The following TRHDE variants were observed in gnomAD, a reference collection of about 807,000 sequenced individuals.
The protein encoded by TRHDE is thyrotropin releasing hormone degrading enzyme.
Under a neutral mutation model 125.7 loss-of-function variants are expected in TRHDE, and 72 were observed. That is an observed-to-expected ratio of 0.57 (90% CI 0.47 to 0.70). The LOEUF (loss-of-function observed/expected upper bound fraction) is 0.70, where lower values mean the gene tolerates loss of function less well. Ranked by LOEUF, TRHDE falls within the 30% of genes least tolerant of loss-of-function variation. TRHDE has a pLI of 0.00. For synonymous variants in TRHDE, 509 were observed against 509.1 expected (o/e 1.00, Z 0.00); for missense variants, 1,110 against 1,327.1 (o/e 0.84, Z 2.54).
intron 2 of TRHDE, among the ~76,000 whole-genome samples, chr12:72,215,965 A>C (rs1168916917): frequency 6.6e-6 from 1 of 152,214 alleles, no homozygotes; most frequent in African/African-American, 2.4e-5. Context: ...AAGTTGGGGT[A>C]TTGTAACAAG....
At position 72,136,299 on chromosome 12, in the gene TRHDE, A is replaced by T. The variant is rs564820835; in HGVS notation, n.279+30547A>T. Among the ~76,000 whole-genome samples, 10 of 152,318 alleles carry T rather than the reference A, an allele frequency of 6.6e-5. No homozygotes were observed. The South Asian group carries it at 1.2e-3, about 19-fold the overall frequency. ...CAGCATAACAGCCTCTGAATTGCAT[A>T]TTGGTGAGAAAATATTGATAGCAAA... On this transcript the variant is annotated intron_variant and non_coding_transcript_variant, in intron 2 of 4. Coordinates refer to the TRHDE transcript ENST00000548156.
At position 72,378,059 on chromosome 12, in the gene TRHDE, CAAAG is replaced by C; in HGVS notation, c.1255_1258del (p.Lys419AspfsTer2). 6.2e-7 allele frequency: 1 copy of C among 1,606,874 alleles called. No individual in the cohort carries two copies. Among genetic ancestry groups the C allele is most frequent in the South Asian group, 1.1e-5 (1 of 89,844 alleles). ...TCCGGGGACTATGCTCTCCATATAACAAAGAGATTAATAGAATTTTATGAAGACT... is the reference window on the plus strand; with the variant it reads ...TCCGGGGACTATGCTCTCCATATAACAGATTAATAGAATTTTATGAAGACT... On this transcript the variant is annotated frameshift_variant, in exon 3 of 19. Coordinates refer to ENST00000261180, the MANE Select transcript of TRHDE (RefSeq NM_013381.3). LOFTEE classifies it high-confidence loss of function.
intron 2 of TRHDE, among the ~76,000 whole-genome samples, chr12:72,132,170 C>G (rs1483405374): frequency 6.6e-6 from 1 of 152,036 alleles, no homozygotes; most frequent in Non-Finnish European, 1.5e-5. Flanking sequence ...CCTGCGCTAC[C>G]TTAAGTTGTT....
At chr12:72,660,683 A>G (rs1874882968) in intron 18 of TRHDE, among the ~76,000 whole-genome samples, 1 of 152,186 alleles carries the variant, frequency 6.6e-6, no homozygotes, top group African/African-American at 2.4e-5. Context: ...ATAATTGTCC[A>G]TGATCATCTC....
chr12:72,275,809 T>C (rs1592513294), intron 1 of TRHDE, among the ~76,000 whole-genome samples: 1 of 152,172 alleles, frequency 6.6e-6, no homozygotes, highest in African/African-American at 2.4e-5. Flanking sequence ...TCTCTTGCAG[T>C]TTTCCCCAAA....
intron 10 of TRHDE, among the ~76,000 whole-genome samples, chr12:72,572,333 G>A (rs960899475): frequency 5.9e-5 from 9 of 151,902 alleles, no homozygotes; most frequent in South Asian, 2.1e-4. Context: ...CAACTACTCC[G>A]TACCTCAATA....
intron 1 of TRHDE, among the ~76,000 whole-genome samples, chr12:72,098,584 G>C (rs1874992140): frequency 6.6e-6 from 1 of 152,068 alleles, no homozygotes; most frequent in African/African-American, 2.4e-5. Context: ...AGTAGAATTT[G>C]GTAAAAGTTA....
intron 2 of TRHDE, among the ~76,000 whole-genome samples, chr12:72,131,445 C>T (rs1046239305): frequency 4.6e-5 from 7 of 152,016 alleles, no homozygotes; most frequent in African/African-American, 1.5e-4. Flanking sequence ...TATAGCAGTG[C>T]TATATATTTT....
chr12:72,597,193 G>A lies in TRHDE; in HGVS notation c.2321+21651G>A, dbSNP rs557185758. ...GTCTCTAGTTATACACTGCTATGCC[G>A]GAACTCACTGATGTGAAAATACGAA... On this transcript the variant is annotated intron_variant, in intron 12 of 18. Coordinates refer to ENST00000261180, the MANE Select transcript of TRHDE (RefSeq NM_013381.3). Among the ~76,000 whole-genome samples the A allele has an allele frequency of 5.3e-5, 8 of 152,264 alleles. No homozygotes were observed. The South Asian group carries it at 1.4e-3, about 28-fold the overall frequency.
intron 2 of TRHDE, among the ~76,000 whole-genome samples, chr12:72,125,600 A>C (rs1375213072): frequency 1.3e-5 from 2 of 152,168 alleles, no homozygotes; most frequent in Non-Finnish European, 2.9e-5. Context: ...ACACTTACAT[A>C]TTTTTGTTCT....
intron 5 of TRHDE, among the ~76,000 whole-genome samples, chr12:72,473,398 G>A (rs976372248): frequency 1.3e-5 from 2 of 152,010 alleles, no homozygotes; most frequent in Non-Finnish European, 2.9e-5. Flanking sequence ...GCTTCAAAAT[G>A]CCACAATTTA....
At chr12:72,592,809 C>G (rs1034912078) in intron 12 of TRHDE, among the ~76,000 whole-genome samples, 6 of 151,772 alleles carry the variant, frequency 4.0e-5, no homozygotes, top group African/African-American at 1.5e-4. Context: ...CTCCCGGGTT[C>G]AAGTGATTCT....
chr12:72,098,163 G>A (rs947723959), intron 1 of TRHDE, among the ~76,000 whole-genome samples: 8 of 152,012 alleles, frequency 5.3e-5, no homozygotes, highest in Non-Finnish European at 7.4e-5. Flanking sequence ...AATTATAGAC[G>A]TGAGCCACTG....
At chr12:72,357,212 G>A (rs1870863737) in intron 2 of TRHDE, among the ~76,000 whole-genome samples, 2 of 151,458 alleles carry the variant, frequency 1.3e-5, no homozygotes, top group South Asian at 4.1e-4. Context: ...ACCAAAGAAA[G>A]ACACTGAATA....
chr12:72,392,843 G>C (rs1244950444), intron 3 of TRHDE, among the ~76,000 whole-genome samples: 1 of 151,980 alleles, frequency 6.6e-6, no homozygotes. Flanking sequence ...AACTAAACTG[G>C]CACATTTAAA....
At chr12:72,119,366 G>A (rs892085882) in intron 2 of TRHDE, among the ~76,000 whole-genome samples, 3 of 151,692 alleles carry the variant, frequency 2.0e-5, no homozygotes, top group Admixed American at 6.6e-5. Flanking sequence ...TCTTGTTATC[G>A]ATTTCTAGCA....
chr12:72,658,807 T>G (rs928902068), intron 18 of TRHDE, among the ~76,000 whole-genome samples: 8 of 152,228 alleles, frequency 5.3e-5, no homozygotes, highest in African/African-American at 1.7e-4. Flanking sequence ...CTAAGTGGCA[T>G]GAGGAATGAA....
At chr12:72,318,325 G>A (rs922398613) in intron 2 of TRHDE, among the ~76,000 whole-genome samples, 9 of 152,236 alleles carry the variant, frequency 5.9e-5, no homozygotes, top group East Asian at 3.9e-4. Flanking sequence ...TCAATACATC[G>A]TATCTAGAAG....
At chr12:72,527,533 C>G (rs1368411758) in intron 6 of TRHDE, among the ~76,000 whole-genome samples, 1 of 150,744 alleles carries the variant, frequency 6.6e-6, no homozygotes, top group Non-Finnish European at 1.5e-5. Context: ...ACAGATAACT[C>G]TTTTCGCAGT....
Sources: allele counts gnomAD v4.1 joint callset (sites outside exome capture counted in the v4.1 genomes callset), GRCh38; gene constraint gnomAD v4.1.1; transcripts MANE v1.5; gene names NCBI Gene and HGNC (gene_info 2026-07-23, HGNC 2026-07-21).